INHBC: variants seen among roughly 807,000 people sequenced by gnomAD.
The protein encoded by INHBC is inhibin beta C chain.
In INHBC, 10 loss-of-function variants were observed where a neutral mutation model predicts 12.4. That is an observed-to-expected ratio of 0.81 (90% CI 0.50 to 1.37). INHBC has a LOEUF of 1.37. INHBC is among the 40% of genes most tolerant of loss of function. INHBC has a pLI of 0.00. For synonymous variants in INHBC, 147 were observed against 171.6 expected, an observed-to-expected ratio of 0.86 and a Z score of 1.12; for missense variants, 382 against 439.4, an observed-to-expected ratio of 0.87 and a Z score of 1.17.
chr12:57,447,588 TA>T (rs1290560490), intron 1 of INHBC, among the ~76,000 whole-genome samples: 3 of 149,030 alleles, frequency 2.0e-5, no homozygotes, highest in Admixed American at 6.7e-5. Flanking sequence ...AAAAATTGAT[TA>T]AAAAAAATAT....
intron 1 of INHBC, among the ~76,000 whole-genome samples, chr12:57,444,516 G>A (rs1594728657): frequency 6.6e-6 from 1 of 150,436 alleles, no homozygotes; most frequent in African/African-American, 2.5e-5. Flanking sequence ...AATCTAGCCT[G>A]GGTGACAGAG....
At chr12:57,444,271 G>A (rs1870529675) in intron 1 of INHBC, among the ~76,000 whole-genome samples, 1 of 152,072 alleles carries the variant, frequency 6.6e-6, no homozygotes, top group African/African-American at 2.4e-5. Flanking sequence ...GACCGGACTT[G>A]GTGGCTCATG....
intron 1 of INHBC, among the ~76,000 whole-genome samples, chr12:57,441,685 CTT>C (rs71084755): frequency 0.016 from 2,256 of 141,550 alleles, 24 homozygotes; most frequent in African/African-American, 0.04. Flanking sequence ...TCTCATGATT[CTT>C]TTTTTTTTTT....
At chr12:57,437,778 G>GTATT (rs1555324634) in intron 1 of INHBC, among the ~76,000 whole-genome samples, 1 of 150,006 alleles carries the variant, frequency 6.7e-6, no homozygotes, top group Non-Finnish European at 1.5e-5. Context: ...CCTCGTTTTT[G>GTATT]TGTTTGTTTG....
chr12:57,447,895 ATATATAT>A (rs1566551425), intron 1 of INHBC, among the ~76,000 whole-genome samples: 3 of 71,754 alleles, frequency 4.2e-5, no homozygotes, highest in Admixed American at 1.5e-4. Context: ...AAAAAAAAAT[ATATATAT>A]ATATATATAT....
intron 1 of INHBC, among the ~76,000 whole-genome samples, chr12:57,438,275 G>A (rs1046433120): frequency 6.6e-6 from 1 of 152,210 alleles, no homozygotes; most frequent in African/African-American, 2.4e-5. Context: ...TAAAGTGGAA[G>A]GGAGCAGGAA....
Position 57,447,924 on chromosome 12 carries a change from A to AT in INHBC, c.314-1353_314-1352insT, listed in dbSNP as rs1566551470. 2.2e-3 allele frequency among the ~76,000 whole-genome samples: 177 copies of AT among 81,008 alleles called. 3 individuals are homozygous for AT. Among genetic ancestry groups the AT allele is most frequent in the Non-Finnish European group, 3.6e-3 (132 of 36,834 alleles). 53.1% of individuals were successfully genotyped at this position (81,008 alleles called of 152,430 possible). A position where few individuals can be genotyped will look rare whatever the true frequency, so the allele number is the denominator to read the frequency against. On this transcript the variant is annotated intron_variant, in intron 1 of 1. Coordinates refer to ENST00000309668, the MANE Select transcript of INHBC (RefSeq NM_005538.4). ...ATATATATATATATATATATATATA[A>AT]AATATATGTGTGTGTGCTTGTGTTT...
chr12:57,434,828 A>G lies in INHBC; in HGVS notation c.-59A>G. ...TGGCAGCCAGGACAGAGTTGAGACC[A>G]CAGCTGTTGAGACCCTGAGCCCTGA... On this transcript the variant is annotated 5_prime_UTR_variant, in exon 1 of 2. Coordinates refer to ENST00000309668, the MANE Select transcript of INHBC (RefSeq NM_005538.4). 2 of 1,496,436 alleles carry G rather than the reference A, an allele frequency of 1.3e-6. No individual in the cohort carries two copies. Among genetic ancestry groups the G allele is most frequent in the Non-Finnish European group, 1.8e-6 (2 of 1,100,062 alleles). 92.7% of individuals were successfully genotyped at this position (1,496,436 alleles called of 1,614,324 possible).
Position 57,449,802 on chromosome 12 carries a change from G to A in INHBC, c.839G>A (p.Cys280Tyr). ...GYAMNFCIGQCPLHIAGMPGI... is the reference protein window; with the variant it reads ...GYAMNFCIGQYPLHIAGMPGI... The stretch of plus-strand genomic sequence containing the variant: ...GCCATGAACTTCTGCATAGGGCAGT[G>A]CCCACTACACATAGCAGGCATGCCT... Residue 280 changes from cysteine (C) to tyrosine (Y), a missense_variant, in exon 2 of 2, where the codon TGC becomes TAC. Physicochemically the swap from Cys to Tyr is radical, Grantham distance 194. Coordinates refer to ENST00000309668, the MANE Select transcript of INHBC (RefSeq NM_005538.4). 1 of 1,614,024 alleles carries A rather than the reference G, an allele frequency of 6.2e-7. No homozygotes were observed. The highest frequency in any genetic ancestry group is 8.5e-7 in the Non-Finnish European group (1 of 1,179,926).
At chr12:57,435,277 C>T in intron 1 of INHBC, 78 bp downstream of exon 1, 2 of 1,352,278 alleles carry the variant, frequency 1.5e-6, no homozygotes, top group Non-Finnish European at 2.0e-6. Context: ...AGACTTACCT[C>T]TGACTCCTTC....
At chr12:57,445,047 G>A (rs1290711579) in intron 1 of INHBC, among the ~76,000 whole-genome samples, 3 of 152,108 alleles carry the variant, frequency 2.0e-5, no homozygotes, top group Non-Finnish European at 4.4e-5. Context: ...CATCTGAGCC[G>A]AATGCCAAAA....
rs34935222 is a variant in INHBC at position 57,443,113 on chromosome 12, C to CTTTTT, written c.314-6145_314-6141dup. ...AGTTCCATTCCCATAATAAAGCACT[C>CTTTTT]TTTTTTTTTTTTTTTTTTTTTTTGA... On this transcript the variant is annotated intron_variant, in intron 1 of 1. Coordinates refer to ENST00000309668, the MANE Select transcript of INHBC (RefSeq NM_005538.4). 1.1e-3 allele frequency among the ~76,000 whole-genome samples: 78 copies of CTTTTT among 72,396 alleles called. 5 individuals are homozygous for CTTTTT. Among genetic ancestry groups the CTTTTT allele is most frequent in the African/African-American group, 2.2e-3 (39 of 17,446 alleles). The allele number at this position is 72,396 out of a possible 152,430, so 47.5% of individuals were successfully genotyped here.
intron 1 of INHBC, among the ~76,000 whole-genome samples, chr12:57,445,939 T>C (rs1870567207): frequency 6.6e-6 from 1 of 150,798 alleles, no homozygotes; most frequent in African/African-American, 2.4e-5. Context: ...GTTTGTTTGT[T>C]TGTTCGTTTT....
At chr12:57,447,234 G>A (rs1351800211) in intron 1 of INHBC, among the ~76,000 whole-genome samples, 1 of 152,038 alleles carries the variant, frequency 6.6e-6, no homozygotes. Context: ...TCTCAGGATG[G>A]AGTGCAATGG....
rs2139836777 is a variant in INHBC at position 57,450,121 on chromosome 12, GA to G, written c.*101del. On this transcript the variant is annotated 3_prime_UTR_variant, in exon 2 of 2. Transcript: ENST00000309668. ...AGGGAATGACCTCATTCTCTGTCCA[GA>G]ATGTGGACTCCCTCTTCCTGAGCAT... The G allele has an allele frequency of 2.4e-6, 3 of 1,273,124 alleles. No homozygotes were observed. The South Asian group carries it at 5.8e-5, about 24-fold the overall frequency. 78.9% of individuals were successfully genotyped at this position (1,273,124 alleles called of 1,614,324 possible). A position where few individuals can be genotyped will look rare whatever the true frequency, so the allele number is the denominator to read the frequency against.
chr12:57,449,685 A>G lies in INHBC; in HGVS notation c.722A>G (p.Gln241Arg). 6.2e-7 allele frequency: 1 copy of G among 1,614,272 alleles called. No homozygotes were observed. Among genetic ancestry groups the G allele is most frequent in the Non-Finnish European group, 8.5e-7 (1 of 1,180,046 alleles). ...ATTCACCGACGAGGCATCGACTGCC[A>G]AGGAGGGTCCAGGATGTGCTGTCGA... ...HQIHRRGIDC[Q>R]GGSRMCCRQE... Residue 241 changes from glutamine to arginine, a missense_variant, in exon 2 of 2, where the codon CAA (glutamine) becomes CGA (arginine). Physicochemically the swap from Gln to Arg is conservative, Grantham distance 43. Transcript: ENST00000309668.
Position 57,434,911 on chromosome 12 carries a change from T to C in INHBC, c.25T>C (p.Phe9Leu). 1 of 1,613,482 alleles carries C rather than the reference T, an allele frequency of 6.2e-7. No homozygotes were observed. The highest frequency in any genetic ancestry group is 1.1e-5 in the South Asian group (1 of 91,070). MTSSLLLA[F>L]LLLAPTTVAT... is the part of the protein sequence containing the mutation. ...AATGACCTCCTCATTGCTTCTGGCC[T>C]TTCTCCTCCTGGCTCCAACCACAGT... The change falls in exon 1 of 2, where the codon TTT (phenylalanine) becomes CTT (leucine). Residue 9 changes from phenylalanine to leucine, a missense_variant. Coordinates refer to ENST00000309668, the MANE Select transcript of INHBC (RefSeq NM_005538.4).
In INHBC at chr12:57,444,672, C is replaced by T. The variant is rs185031926; in HGVS notation, c.314-4605C>T. Reference sequence around the variant, plus strand: ...ATTTTTATTTTATTTTATTTTATTACGTTTTATTCTATTTTATTTCATTTT... The same window carrying T: ...ATTTTTATTTTATTTTATTTTATTATGTTTTATTCTATTTTATTTCATTTT... On this transcript the variant is annotated intron_variant, in intron 1 of 1. Coordinates refer to ENST00000309668, the MANE Select transcript of INHBC (RefSeq NM_005538.4). Among the ~76,000 whole-genome samples the T allele has an allele frequency of 6.9e-4, 104 of 151,412 alleles. 1 individual carries two copies. Among genetic ancestry groups the T allele is most frequent in the Admixed American group, 5.9e-3 (89 of 15,170 alleles).
rs760863882 is a variant in INHBC, at chr12:57,449,328, G to A, written c.365G>A (p.Arg122Lys). The change falls in exon 2 of 2, where the codon AGA becomes AAA. Residue 122 changes from arginine (R) to lysine (K), a missense_variant. Transcript: ENST00000309668. The stretch of plus-strand genomic sequence containing the variant: ...CTTGATTTTCACTTCTCCTCTGATA[G>A]AACTGCTGGTGACAGGGAGGTCCAG... ...TRLDFHFSSD[R>K]TAGDREVQQA... 2 of 1,614,068 alleles carry A rather than the reference G, an allele frequency of 1.2e-6. No individual in the cohort carries two copies. The highest frequency in any genetic ancestry group is 1.3e-5 in the African/African-American group (1 of 74,926).
Sources: allele counts gnomAD v4.1 joint callset (sites outside exome capture counted in the v4.1 genomes callset), GRCh38; gene constraint gnomAD v4.1.1; transcripts MANE v1.5; gene names NCBI Gene and HGNC (gene_info 2026-07-23, HGNC 2026-07-21).